The following MMP28 variants were observed in gnomAD, a reference collection of about 807,000 sequenced individuals.
The protein encoded by MMP28 is matrix metalloproteinase-28.
MMP28 carries 55 observed loss-of-function variants against 60.5 expected under a neutral mutation model. The ratio of observed to expected loss-of-function variants is 0.91; its 90% CI spans 0.73 to 1.14. The LOEUF (loss-of-function observed/expected upper bound fraction) is 1.14. Ranked by LOEUF, MMP28 falls within the 50% of genes most tolerant of loss-of-function variation. The pLI is 0.00. For missense variants in MMP28, 686 were observed against 738.3 expected (o/e 0.93, Z 0.82); for synonymous variants, 318 against 312.5 (o/e 1.02, Z -0.18).
chr17:35,767,747 A>G lies in MMP28; in HGVS notation c.1168+5T>C, dbSNP rs561465995. 6.4e-6 allele frequency: 10 copies of G among 1,553,964 alleles called. No homozygotes were observed. In the African/African-American group the frequency reaches 1.1e-4, roughly 17 times the overall value. On this transcript the variant is annotated splice_donor_5th_base_variant and intron_variant, in intron 7 of 7. Coordinates refer to ENST00000605424, the MANE Select transcript of MMP28 (RefSeq NM_024302.5). The stretch of plus-strand genomic sequence containing the variant: ...CAGTTTTCCCCGCTGCCCCAGAGCC[A>G]GTACCTTTGAAGAAGTAGAAATCTC...
At chr17:35,764,289 T>G (rs2085888346), downstream of MMP28, 2 of 1,525,210 alleles carry the variant, frequency 1.3e-6, no homozygotes, top group South Asian at 2.5e-5. Flanking sequence ...CTCGGCCCCT[T>G]AGCGCTGCTG....
chr17:35,770,082 C>T lies in MMP28; in HGVS notation c.835G>A (p.Val279Met), dbSNP rs764976085. 1.9e-6 allele frequency: 3 copies of T among 1,586,002 alleles called. No homozygotes were observed. Among genetic ancestry groups the T allele is most frequent in the Non-Finnish European group, 2.6e-6 (3 of 1,166,896 alleles). The change falls in exon 5 of 8, where the codon GTG becomes ATG. Residue 279 changes from valine (V) to methionine (M), a missense_variant. By Grantham distance (21) the Val-to-Met change is conservative (BLOSUM62 1). Transcript: ENST00000605424. ...ALLSWDDVLA[V>M]QSLYGKPLGG... ...GGGGCCTCACCATACAGGCTCTGCA[C>T]GGCCAGCACGTCGTCCCAGCTGAGC...
At chr17:35,777,955 G>T (rs1309322642) in intron 3 of MMP28, among the ~76,000 whole-genome samples, 1 of 152,240 alleles carries the variant, frequency 6.6e-6, no homozygotes, top group Non-Finnish European at 1.5e-5. Context: ...TTGAACCCAG[G>T]AGGCGGAGGT....
At chr17:35,760,031 G>A (rs2085789065) in intron 2 of MMP28, among the ~76,000 whole-genome samples, 1 of 152,142 alleles carries the variant, frequency 6.6e-6, no homozygotes, top group African/African-American at 2.4e-5. Context: ...CTGGGGGCCA[G>A]GTCTGCTCTC....
rs1423907813 is a variant in MMP28, at chr17:35,795,406, G to C, written c.-29C>G. On this transcript the variant is annotated 5_prime_UTR_variant, in exon 1 of 8. Transcript: ENST00000605424. ...GCCGCCTCCGGTGCAGCCCGGCTCGGGGAGCTACTGCGCGCAGGGAACCAG... is the reference window on the plus strand; with the variant it reads ...GCCGCCTCCGGTGCAGCCCGGCTCGCGGAGCTACTGCGCGCAGGGAACCAG... 8 of 1,375,710 alleles carry C rather than the reference G, an allele frequency of 5.8e-6. No individual in the cohort carries two copies. In the East Asian group the frequency reaches 2.1e-4, roughly 37 times the overall value. The allele number at this position is 1,375,710 out of a possible 1,614,324, so 85.2% of individuals were successfully genotyped here.
chr17:35,778,103 T>A (rs1325694713), intron 3 of MMP28, among the ~76,000 whole-genome samples: 1 of 152,122 alleles, frequency 6.6e-6, no homozygotes, highest in Non-Finnish European at 1.5e-5. Context: ...AAATCTTAGA[T>A]CTGTACCATT....
At chr17:35,764,088 C>A, downstream of MMP28, 2 of 1,550,162 alleles carry the variant, frequency 1.3e-6, no homozygotes, top group Non-Finnish European at 1.7e-6. Context: ...AAGGAGGGGT[C>A]GGAGGACGAG....
At chr17:35,783,114 C>G (rs932903793) in intron 1 of MMP28, among the ~76,000 whole-genome samples, 1 of 152,182 alleles carries the variant, frequency 6.6e-6, no homozygotes, top group African/African-American at 2.4e-5. Flanking sequence ...GCGTGAGCCA[C>G]CACATCCAGC....
chr17:35,794,769 AC>A (rs1194231089), intron 1 of MMP28, among the ~76,000 whole-genome samples: 1 of 152,156 alleles, frequency 6.6e-6, no homozygotes, highest in African/African-American at 2.4e-5. Flanking sequence ...TGCCCATTTT[AC>A]AGACAGAAAA....
chr17:35,780,742 TGA>T (rs973000529), intron 1 of MMP28, among the ~76,000 whole-genome samples: 6 of 150,694 alleles, frequency 4.0e-5, no homozygotes, highest in African/African-American at 1.5e-4. Context: ...GGCTGAGGCA[TGA>T]GAATCACTTG....
At chr17:35,774,357 C>T (rs1489791715) in intron 3 of MMP28, among the ~76,000 whole-genome samples, 1 of 152,140 alleles carries the variant, frequency 6.6e-6, no homozygotes, top group Non-Finnish European at 1.5e-5. Context: ...GGAGGCAGGA[C>T]TCTTGGGCCA....
chr17:35,783,020 G>A (rs1354662864), intron 1 of MMP28, among the ~76,000 whole-genome samples: 1 of 152,078 alleles, frequency 6.6e-6, no homozygotes, highest in Non-Finnish European at 1.5e-5. Context: ...TAGAGACAGG[G>A]TTTCACCGTG....
chr17:35,768,482 T>C, intron 5 of MMP28, 103 bp from the exon 6 acceptor site: 1 of 982,950 alleles, frequency 1.0e-6, no homozygotes, highest in South Asian at 2.0e-5. Context: ...TTATCTAATA[T>C]GAGGGGCAAG....
At chr17:35,793,293 C>T (rs1432599643) in intron 1 of MMP28, among the ~76,000 whole-genome samples, 1 of 152,184 alleles carries the variant, frequency 6.6e-6, no homozygotes, top group Non-Finnish European at 1.5e-5. Flanking sequence ...CCACCACAGG[C>T]ATGGGCAGCA....
chr17:35,761,419 G>GT (rs113571513), downstream of MMP28, among the ~76,000 whole-genome samples: 4,167 of 126,222 alleles, frequency 0.033, 70 homozygotes, highest in East Asian at 0.13. Context: ...CCTGTTTTTT[G>GT]TTTTTTTTTT....
intron 6 of MMP28, 96 bp from the exon 7 acceptor site, chr17:35,768,015 C>T (rs914595661): frequency 1.2e-5 from 17 of 1,418,846 alleles, no homozygotes; most frequent in African/African-American, 5.7e-5. Flanking sequence ...CCCAAATGGA[C>T]AAGCATAGGG....
In MMP28 at chr17:35,770,116, G is replaced by C. The variant is rs1203306407; in HGVS notation, c.801C>G (p.Arg267=). The C allele has an allele frequency of 1.9e-6, 3 of 1,605,010 alleles. No individual in the cohort carries two copies. The highest frequency in any genetic ancestry group is 2.5e-6 in the Non-Finnish European group (3 of 1,176,554). Residue 267 remains arginine (R), a synonymous_variant, in exon 5 of 8, where the codon CGC becomes CGG. Transcript: ENST00000605424. ...LMAPYYKRLG[R]DALLSWDDVL... The stretch of plus-strand genomic sequence containing the variant: ...CGTCGTCCCAGCTGAGCAGCGCGTC[G>C]CGGCCCAGCCTCTTGTAGTAGGGCG...
intron 3 of MMP28, among the ~76,000 whole-genome samples, chr17:35,776,677 G>A (rs2086340845): frequency 6.6e-6 from 1 of 151,994 alleles, no homozygotes; most frequent in Admixed American, 6.6e-5. Context: ...CCTAAGGTCA[G>A]GAGCTTGAGA....
chr17:35,774,212 G>A (rs937795472), intron 3 of MMP28, among the ~76,000 whole-genome samples: 5 of 152,232 alleles, frequency 3.3e-5, no homozygotes, highest in African/African-American at 1.2e-4. Context: ...CTGAGTCTGG[G>A]CCCAACTGCA....
Sources: gnomAD v4.1 joint callset for allele counts (sites outside exome capture counted in the v4.1 genomes callset) on GRCh38, gnomAD v4.1.1 for gene constraint, MANE v1.5 for transcripts, NCBI Gene and HGNC (gene_info 2026-07-23, HGNC 2026-07-21) for gene names.